The following GABRA4 variants were observed in gnomAD, a reference collection of about 807,000 sequenced individuals.
GABRA4 encodes gamma-aminobutyric acid type A receptor subunit alpha4, also known as gamma-aminobutyric acid receptor subunit alpha-4.
A neutral mutation model predicts 49.7 loss-of-function variants in GABRA4; 12 were observed. The observed-to-expected ratio is 0.24, with a 90% CI of 0.15 to 0.39. The LOEUF is 0.39. GABRA4 is among the 10% of genes least tolerant of loss of function. The pLI is 1.00. For synonymous variants in GABRA4, 288 were observed against 240.2 expected (o/e 1.20, Z -1.84); for missense variants, 506 against 686.0 (o/e 0.74, Z 2.93).
intron 2 of GABRA4, among the ~76,000 whole-genome samples, chr4:46,985,050 C>T (rs933056358): frequency 1.3e-5 from 2 of 151,930 alleles, no homozygotes; most frequent in South Asian, 2.1e-4. Context: ...GATGAATAAG[C>T]TGGTTTCTAT....
At chr4:46,977,177 C>T in intron 4 of GABRA4, 34 bp from the exon 5 acceptor site, 8 of 1,381,666 alleles carry the variant, frequency 5.8e-6, no homozygotes, top group South Asian at 2.5e-5. Flanking sequence ...TAAAATCAAC[C>T]CTTTTAAAGA....
chr4:46,959,576 A>G (rs1321132283), intron 8 of GABRA4, among the ~76,000 whole-genome samples: 1 of 151,650 alleles, frequency 6.6e-6, no homozygotes, highest in Non-Finnish European at 1.5e-5. Flanking sequence ...AGCTCAACCA[A>G]CCATTTACTG....
chr4:46,991,008 A>G (rs1723721725), intron 2 of GABRA4, among the ~76,000 whole-genome samples: 1 of 152,086 alleles, frequency 6.6e-6, no homozygotes, highest in Non-Finnish European at 1.5e-5. Flanking sequence ...GTGAAACCCC[A>G]TCTCTACCAA....
At chr4:46,977,038 G>C (rs1317410066) in intron 5 of GABRA4, 23 bp downstream of exon 5, 1 of 1,452,932 alleles carries the variant, frequency 6.9e-7, no homozygotes, top group East Asian at 2.3e-5. Flanking sequence ...ATAAATTCTA[G>C]CAAAATTTTT....
chr4:46,993,303 T>A, intron 1 of GABRA4, 36 bp downstream of exon 1: 1 of 1,579,868 alleles, frequency 6.3e-7, no homozygotes, highest in Non-Finnish European at 8.7e-7. Context: ...TTCTCCACTT[T>A]CCGTTGCCCA....
chr4:46,974,284 T>C lies in GABRA4; in HGVS notation c.669A>G (p.Gln223=), dbSNP rs1347099895. 6.2e-7 allele frequency: 1 copy of C among 1,611,708 alleles called. No individual in the cohort carries two copies. Among genetic ancestry groups the C allele is most frequent in the Non-Finnish European group, 8.5e-7 (1 of 1,178,556 alleles). The change falls in exon 6 of 9, where the codon CAA becomes CAG. Residue 223 remains glutamine, a synonymous_variant. Transcript: ENST00000264318. ...EVPKESSSLV[Q]YDLIGQTVSS... ...ATACGGTTTGCCCAATCAAATCATA[T>C]TGAACTAAGCTGGAAGACTCCTTCG...
At chr4:46,977,032 A>C (rs1219172056) in intron 5 of GABRA4, 29 bp downstream of exon 5, 2 of 1,387,940 alleles carry the variant, frequency 1.4e-6, no homozygotes, top group Non-Finnish European at 2.0e-6. Flanking sequence ...GTAATCATAA[A>C]TTCTAGCAAA....
chr4:46,961,321 C>T (rs982186771), intron 8 of GABRA4, among the ~76,000 whole-genome samples: 1 of 151,854 alleles, frequency 6.6e-6, no homozygotes, highest in Non-Finnish European at 1.5e-5. Flanking sequence ...TGGCATCTCT[C>T]TGAGAACAGA....
At chr4:46,969,758 G>A (rs923617404) in intron 7 of GABRA4, among the ~76,000 whole-genome samples, 3 of 151,316 alleles carry the variant, frequency 2.0e-5, no homozygotes, top group African/African-American at 7.3e-5. Context: ...TGGCAGATTT[G>A]GGTTTAAACC....
Position 46,980,318 on chromosome 4 carries a change from A to G in GABRA4, c.206-1220T>C, listed in dbSNP as rs1723308022. Reference sequence around the variant, plus strand: ...GTAACTGGGAAGAATGACATCTGCTATGAAGATGAAATAATCTCTCACTTG... The same window carrying G: ...GTAACTGGGAAGAATGACATCTGCTGTGAAGATGAAATAATCTCTCACTTG... On this transcript the variant is annotated intron_variant, in intron 2 of 8. Coordinates refer to ENST00000264318, the MANE Select transcript of GABRA4 (RefSeq NM_000809.4). Among the ~76,000 whole-genome samples the G allele has an allele frequency of 1.3e-5, 2 of 151,284 alleles. 1 individual carries two copies. The highest frequency in any genetic ancestry group is 4.2e-4 in the South Asian group (2 of 4,754).
At chr4:46,964,834 CT>C in intron 8 of GABRA4, 135 bp downstream of exon 8, 1 of 957,788 alleles carries the variant, frequency 1.0e-6, no homozygotes, top group Non-Finnish European at 1.5e-6. Flanking sequence ...CATACAGTTA[CT>C]TTTATGTTTT....
At chr4:46,930,021 A>G (rs975155481) in intron 8 of GABRA4, among the ~76,000 whole-genome samples, 3 of 152,076 alleles carry the variant, frequency 2.0e-5, no homozygotes, top group Admixed American at 1.3e-4. Flanking sequence ...TTTTTAGTAT[A>G]CTCATCTAGC....
intron 8 of GABRA4, among the ~76,000 whole-genome samples, chr4:46,947,002 G>A (rs1330674053): frequency 6.6e-6 from 1 of 151,894 alleles, no homozygotes; most frequent in Non-Finnish European, 1.5e-5. Flanking sequence ...ACTAAAATCA[G>A]AACTCTTTTT....
intron 8 of GABRA4, among the ~76,000 whole-genome samples, chr4:46,937,343 A>G (rs1252310116): frequency 6.6e-6 from 1 of 152,206 alleles, no homozygotes; most frequent in African/African-American, 2.4e-5. Context: ...TGTCTGTGCT[A>G]TTTTGTTATG....
intron 8 of GABRA4, among the ~76,000 whole-genome samples, chr4:46,939,002 T>C (rs1560464637): frequency 6.6e-6 from 1 of 151,984 alleles, no homozygotes; most frequent in Non-Finnish European, 1.5e-5. Flanking sequence ...GCCTGGGAGA[T>C]GGGAAAACCT....
At chr4:46,959,818 G>GTATA (rs34315359) in intron 8 of GABRA4, among the ~76,000 whole-genome samples, 1,553 of 138,076 alleles carry the variant, frequency 0.011, 10 homozygotes, top group East Asian at 0.016. Context: ...CAAAAATTAT[G>GTATA]TATATATATA....
chr4:46,970,242 C>T (rs556321748), intron 7 of GABRA4, among the ~76,000 whole-genome samples: 1 of 151,470 alleles, frequency 6.6e-6, no homozygotes, highest in East Asian at 2.0e-4. Flanking sequence ...GGCTGTGATC[C>T]TACTAGGTAG....
At chr4:46,978,687 CAAAAAAAAAA>C (rs71193889) in intron 3 of GABRA4, among the ~76,000 whole-genome samples, 4 of 21,662 alleles carry the variant, frequency 1.8e-4, no homozygotes, top group Non-Finnish European at 3.5e-4. Context: ...AACTTCATCT[CAAAAAAAAAA>C]AAAAAAAAAA....
intron 7 of GABRA4, among the ~76,000 whole-genome samples, chr4:46,969,689 C>A (rs1030378399): frequency 5.9e-5 from 9 of 151,442 alleles, no homozygotes; most frequent in Non-Finnish European, 1.2e-4. Flanking sequence ...CTTTTTAAAT[C>A]CTCACTAGTC....
Sources: gnomAD v4.1 joint callset for allele counts (sites outside exome capture counted in the v4.1 genomes callset) on GRCh38, gnomAD v4.1.1 for gene constraint, MANE v1.5 for transcripts, NCBI Gene and HGNC (gene_info 2026-07-23, HGNC 2026-07-21) for gene names.